Variants in PPARGC1A observed in about 807,000 individuals in gnomAD.
The protein encoded by PPARGC1A is peroxisome proliferator-activated receptor gamma coactivator 1-alpha.
A neutral mutation model predicts 88.7 loss-of-function variants in PPARGC1A; 25 were observed. That is an observed-to-expected ratio of 0.28 (90% CI 0.21 to 0.39). The LOEUF (loss-of-function observed/expected upper bound fraction) is 0.39. PPARGC1A is among the 10% of genes least tolerant of loss of function. The pLI, the probability that PPARGC1A is intolerant of heterozygous loss-of-function variation, is 1.00. For synonymous variants in PPARGC1A, 363 were observed against 355.6 expected, an observed-to-expected ratio of 1.02 and a Z score of -0.24; for missense variants, 880 against 968.7, an observed-to-expected ratio of 0.91 and a Z score of 1.22.
the PPARGC1A span, among the ~76,000 whole-genome samples, chr4:23,988,594 GATTA>G: frequency 6.6e-6 from 1 of 151,196 alleles, no homozygotes; most frequent in South Asian, 2.1e-4. Context: ...GTGTACTGAA[GATTA>G]ATTAAATTAT....
chr4:24,257,807 T>C, the PPARGC1A span, among the ~76,000 whole-genome samples: 4 of 152,138 alleles, frequency 2.6e-5, no homozygotes, highest in Non-Finnish European at 4.4e-5. Context: ...CTTTGAGACA[T>C]AAAGTGACTG....
the PPARGC1A span, among the ~76,000 whole-genome samples, chr4:24,462,714 T>C: frequency 5.3e-5 from 8 of 151,098 alleles, no homozygotes; most frequent in Non-Finnish European, 1.2e-4. Context: ...GATTCTATTA[T>C]GATGGACTCA....
chr4:23,880,785 A>AAAC (rs1715768479), intron 2 of PPARGC1A: 1 of 152,188 alleles, frequency 6.6e-6, no homozygotes, highest in Non-Finnish European at 1.5e-5. Context: ...AGCAATGACC[A>AAAC]AACATGAACG....
the PPARGC1A span, among the ~76,000 whole-genome samples, chr4:24,159,206 C>CTTTTTT: frequency 1.9e-4 from 21 of 109,848 alleles, no homozygotes; most frequent in African/African-American, 3.1e-4. Context: ...GGAAATTAAC[C>CTTTTTT]TTTTTTTTTT....
the PPARGC1A span, among the ~76,000 whole-genome samples, chr4:24,046,902 T>C: frequency 1 from 152,223 of 152,228 alleles, 76,109 homozygotes; most frequent in Middle Eastern, 1. Context: ...GGCGGGCCCA[T>C]GAGATGGAAG....
the PPARGC1A span, among the ~76,000 whole-genome samples, chr4:24,036,434 T>G: frequency 1.3e-5 from 2 of 152,182 alleles, no homozygotes; most frequent in Admixed American, 6.5e-5. Flanking sequence ...CCGAAGCTCA[T>G]GTATGAACAT....
At chr4:23,945,680 G>T in the PPARGC1A span, among the ~76,000 whole-genome samples, 4 of 152,148 alleles carry the variant, frequency 2.6e-5, no homozygotes, top group African/African-American at 9.7e-5. Context: ...GGAAGCCAGG[G>T]GCAGATAGTG....
chr4:24,440,976 A>G, the PPARGC1A span, among the ~76,000 whole-genome samples: 1 of 152,198 alleles, frequency 6.6e-6, no homozygotes, highest in Admixed American at 6.5e-5. Context: ...ATTGACGGAG[A>G]AGCAGCTGCT....
chr4:23,969,992 AAG>A, the PPARGC1A span, among the ~76,000 whole-genome samples: 1 of 152,328 alleles, frequency 6.6e-6, no homozygotes, highest in African/African-American at 2.4e-5. Flanking sequence ...CCAAAAGCAA[AAG>A]AGACAGCAAG....
At chr4:24,214,383 G>A in the PPARGC1A span, among the ~76,000 whole-genome samples, 1 of 152,180 alleles carries the variant, frequency 6.6e-6, no homozygotes, top group African/African-American at 2.4e-5. Context: ...GTGAGTGAAG[G>A]GGTTTTACAC....
At chr4:24,339,223 T>TAC in the PPARGC1A span, among the ~76,000 whole-genome samples, 24 of 72,434 alleles carry the variant, frequency 3.3e-4, no homozygotes, top group Middle Eastern at 8.9e-3. Context: ...TATATATATA[T>TAC]ATATATATAT....
chr4:23,927,369 T>G, the PPARGC1A span, among the ~76,000 whole-genome samples: 1 of 152,198 alleles, frequency 6.6e-6, no homozygotes, highest in Admixed American at 6.5e-5. Context: ...TAAAGATATA[T>G]GTTATTATGC....
At chr4:24,421,358 T>A in the PPARGC1A span, among the ~76,000 whole-genome samples, 1 of 151,022 alleles carries the variant, frequency 6.6e-6, no homozygotes, top group Admixed American at 6.6e-5. Context: ...TCGCCCAGGC[T>A]GGAGTGCAGT....
At chr4:24,246,744 C>A in the PPARGC1A span, among the ~76,000 whole-genome samples, 3 of 152,202 alleles carry the variant, frequency 2.0e-5, no homozygotes, top group Non-Finnish European at 4.4e-5. Flanking sequence ...CACCACGTCA[C>A]CCACGGAACC....
chr4:24,131,592 G>A, the PPARGC1A span, among the ~76,000 whole-genome samples: 9 of 152,294 alleles, frequency 5.9e-5, no homozygotes, highest in African/African-American at 2.2e-4. Context: ...TTGGACAAAT[G>A]GAAAGAAACC....
the PPARGC1A span, among the ~76,000 whole-genome samples, chr4:24,157,068 C>T: frequency 6.6e-6 from 1 of 152,122 alleles, no homozygotes; most frequent in Admixed American, 6.5e-5. Context: ...TGGTTAAGGA[C>T]CCACATGCTG....
the PPARGC1A span, among the ~76,000 whole-genome samples, chr4:24,158,005 C>T: frequency 6.6e-6 from 1 of 152,210 alleles, no homozygotes; most frequent in Admixed American, 6.5e-5. Flanking sequence ...TCTTCTTTAC[C>T]AAGGCTTAGG....
Position 23,828,520 on chromosome 4 carries a change from A to G in PPARGC1A, c.637T>C (p.Tyr213His). ...GGAGGGTCATCGTTTGTGGTCAGAT[A>G]TTTGAGAAGCTCCGAGCAGGGACGT... ...QRRPCSELLK[Y>H]LTTNDDPPHT... is the part of the protein sequence containing the mutation. Residue 213 changes from tyrosine (Y) to histidine (H), a missense_variant, in exon 5 of 13, where the codon TAT becomes CAT. Physicochemically the swap from Tyr to His is moderately conservative, Grantham distance 83. Coordinates refer to ENST00000264867, the MANE Select transcript of PPARGC1A (RefSeq NM_013261.5). The G allele has an allele frequency of 6.2e-7, 1 of 1,614,098 alleles. No individual in the cohort carries two copies. The highest frequency in any genetic ancestry group is 8.5e-7 in the Non-Finnish European group (1 of 1,179,996).
the PPARGC1A span, among the ~76,000 whole-genome samples, chr4:24,256,535 A>G: frequency 6.6e-6 from 1 of 152,022 alleles, no homozygotes; most frequent in African/African-American, 2.4e-5. Context: ...ATAAACAGCA[A>G]CTCCGAAGTA....
Sources: allele counts gnomAD v4.1 joint callset (sites outside exome capture counted in the v4.1 genomes callset), GRCh38; gene constraint gnomAD v4.1.1; transcripts MANE v1.5; gene names NCBI Gene and HGNC (gene_info 2026-07-23, HGNC 2026-07-21).